The following PTPRG variants were observed in gnomAD, a reference collection of about 807,000 sequenced individuals.
The protein encoded by PTPRG is protein tyrosine phosphatase receptor type G, also known as receptor-type tyrosine-protein phosphatase gamma.
PTPRG carries 102 observed loss-of-function variants against 165.3 expected under a neutral mutation model. The ratio of observed to expected loss-of-function variants is 0.62; its 90% CI spans 0.53 to 0.73. The LOEUF (loss-of-function observed/expected upper bound fraction) is 0.73, where lower values mean the gene tolerates loss of function less well. PTPRG is among the 30% of genes least tolerant of loss of function. The pLI is 0.00. For synonymous variants in PTPRG, 675 were observed against 669.5 expected (o/e 1.01, Z -0.13); for missense variants, 1,866 against 1,861.4 (o/e 1.00, Z -0.05).
intron 2 of PTPRG, among the ~76,000 whole-genome samples, chr3:61,940,199 G>T (rs1045530235): frequency 2.0e-5 from 3 of 152,034 alleles, no homozygotes; most frequent in Admixed American, 1.3e-4. Flanking sequence ...CACCTGCCTC[G>T]CTGGGTGGAT....
At chr3:62,005,980 G>A (rs1484985100) in intron 4 of PTPRG, among the ~76,000 whole-genome samples, 1 of 152,014 alleles carries the variant, frequency 6.6e-6, no homozygotes. Context: ...TGGGATTACA[G>A]GCGTGAGCCA....
intron 1 of PTPRG, among the ~76,000 whole-genome samples, chr3:61,567,791 A>G (rs775388002): frequency 2.6e-5 from 4 of 152,048 alleles, no homozygotes; most frequent in South Asian, 4.2e-4. Flanking sequence ...AAGACCAGCC[A>G]TGTGCAACAT....
intron 5 of PTPRG, among the ~76,000 whole-genome samples, chr3:62,125,864 C>T (rs1049547456): frequency 7.2e-5 from 11 of 151,976 alleles, no homozygotes; most frequent in Non-Finnish European, 7.4e-5. Context: ...TCTGGGACCC[C>T]GGCTTGAAAT....
rs202032518 is a variant in PTPRG, at chr3:61,682,187, T to C, written c.86-66691T>C. Among the ~76,000 whole-genome samples, 102 of 142,200 alleles carry C rather than the reference T, an allele frequency of 7.2e-4. No homozygotes were observed. The East Asian group carries it at 0.013, about 18-fold the overall frequency. The allele number at this position is 142,200 out of a possible 152,430, so 93.3% of individuals were successfully genotyped here. A position where few individuals can be genotyped will look rare whatever the true frequency, so the allele number is the denominator to read the frequency against. On this transcript the variant is annotated intron_variant, in intron 1 of 29. Transcript: ENST00000474889. ...AAAAAAGTGAACTGGTAATGAGAAATGAATTTTGGAAATAATGGTGAACTG... is the reference window on the plus strand; with the variant it reads ...AAAAAAGTGAACTGGTAATGAGAAACGAATTTTGGAAATAATGGTGAACTG...
chr3:61,595,676 G>C (rs1431024184), intron 1 of PTPRG, among the ~76,000 whole-genome samples: 1 of 152,208 alleles, frequency 6.6e-6, no homozygotes, highest in Non-Finnish European at 1.5e-5. Flanking sequence ...CAAGCTCAGT[G>C]GGACTGTCTA....
At chr3:61,670,124 C>T (rs936593262) in intron 1 of PTPRG, among the ~76,000 whole-genome samples, 3 of 152,198 alleles carry the variant, frequency 2.0e-5, no homozygotes, top group South Asian at 2.1e-4. Flanking sequence ...AAAAGCCCAA[C>T]TCTGGGTGTG....
chr3:61,905,833 C>T (rs572648044), intron 2 of PTPRG, among the ~76,000 whole-genome samples: 25 of 152,312 alleles, frequency 1.6e-4, no homozygotes, highest in African/African-American at 6.0e-4. Flanking sequence ...TGTCTGTGTC[C>T]ATTTAACTTC....
At chr3:62,084,437 A>G (rs2106774997) in intron 5 of PTPRG, among the ~76,000 whole-genome samples, 1 of 152,304 alleles carries the variant, frequency 6.6e-6, no homozygotes, top group South Asian at 2.1e-4. Context: ...AGGTCTGTAG[A>G]GTCATTTGCC....
chr3:62,133,694 A>G (rs1559549600), intron 6 of PTPRG, among the ~76,000 whole-genome samples: 1 of 152,154 alleles, frequency 6.6e-6, no homozygotes, highest in Non-Finnish European at 1.5e-5. Flanking sequence ...TCATTTTAAG[A>G]TATTTCTGGG....
At chr3:62,221,419 G>A (rs1025930119) in intron 13 of PTPRG, among the ~76,000 whole-genome samples, 10 of 152,200 alleles carry the variant, frequency 6.6e-5, no homozygotes, top group Admixed American at 3.9e-4. Flanking sequence ...TAGGATGAAT[G>A]AGTTGGCTAA....
chr3:61,858,362 T>G (rs1379426572), intron 2 of PTPRG, among the ~76,000 whole-genome samples: 2 of 152,234 alleles, frequency 1.3e-5, no homozygotes, highest in Non-Finnish European at 2.9e-5. Context: ...TTCTTCATTT[T>G]ATTTCTCTTA....
rs1700807738 is a variant in PTPRG at position 62,228,105 on chromosome 3, T to C, written c.2289-3120T>C. Among the ~76,000 whole-genome samples, 1 of 152,056 alleles carries C rather than the reference T, an allele frequency of 6.6e-6. No homozygotes were observed. On this transcript the variant is annotated intron_variant, in intron 13 of 29. Coordinates refer to ENST00000474889, the MANE Select transcript of PTPRG (RefSeq NM_002841.4). This position sits in a 1 kb window ranked among gnomAD's most constrained non-coding sequence, Gnocchi z 4.1. ...TTTGCATTCCCCTGGGTTGCAATAGTGATCAAGGAAAATAGTGTGTTCTGG... is the reference window on the plus strand; with the variant it reads ...TTTGCATTCCCCTGGGTTGCAATAGCGATCAAGGAAAATAGTGTGTTCTGG...
chr3:61,846,110 G>C (rs1048802723), intron 2 of PTPRG, among the ~76,000 whole-genome samples: 7 of 152,178 alleles, frequency 4.6e-5, no homozygotes, highest in Admixed American at 3.9e-4. Context: ...TTATTGTGAA[G>C]ATTAAAGAAG....
At chr3:62,187,327 T>G (rs1699688390) in intron 8 of PTPRG, among the ~76,000 whole-genome samples, 1 of 152,238 alleles carries the variant, frequency 6.6e-6, no homozygotes, top group Admixed American at 6.5e-5. Flanking sequence ...AAAAAAAGGC[T>G]TGGCCTCTCC....
At chr3:61,831,266 T>C (rs577090447) in intron 2 of PTPRG, among the ~76,000 whole-genome samples, 1 of 152,326 alleles carries the variant, frequency 6.6e-6, no homozygotes, top group South Asian at 2.1e-4. Flanking sequence ...TGTGTAAACA[T>C]CTGTCTCACA....
At chr3:62,145,960 C>G (rs781301872) in intron 6 of PTPRG, among the ~76,000 whole-genome samples, 2 of 152,178 alleles carry the variant, frequency 1.3e-5, no homozygotes, top group African/African-American at 4.8e-5. Context: ...GCACTTAACT[C>G]TTGTATATCT....
At chr3:61,746,908 T>C (rs1370235346) in intron 1 of PTPRG, among the ~76,000 whole-genome samples, 1 of 152,126 alleles carries the variant, frequency 6.6e-6, no homozygotes, top group Non-Finnish European at 1.5e-5. Flanking sequence ...ATCCCAACAC[T>C]TTGGGAGGAC....
intron 2 of PTPRG, among the ~76,000 whole-genome samples, chr3:61,909,182 A>T (rs1238269502): frequency 6.6e-6 from 1 of 152,190 alleles, no homozygotes; most frequent in African/African-American, 2.4e-5. Flanking sequence ...GAAAATTCAA[A>T]GATCAGCTAC....
intron 2 of PTPRG, among the ~76,000 whole-genome samples, chr3:61,851,055 C>G (rs929690158): frequency 6.6e-6 from 1 of 152,164 alleles, no homozygotes; most frequent in Admixed American, 6.5e-5. Context: ...TCACCAATAG[C>G]AGAATGCCCT....
Sources: allele counts gnomAD v4.1 joint callset (sites outside exome capture counted in the v4.1 genomes callset), GRCh38; gene constraint gnomAD v4.1.1; non-coding constraint Gnocchi (gnomAD v3.1); transcripts MANE v1.5; gene names NCBI Gene and HGNC (gene_info 2026-07-23, HGNC 2026-07-21).